Variants in GRM8 observed in about 807,000 individuals in gnomAD.
The protein encoded by GRM8 is glutamate metabotropic receptor 8.
In GRM8, 47 loss-of-function variants were observed where a neutral mutation model predicts 87.2. The ratio of observed to expected loss-of-function variants is 0.54; its 90% CI spans 0.43 to 0.69. The LOEUF (loss-of-function observed/expected upper bound fraction) is 0.69. Ranked by LOEUF, GRM8 falls within the 30% of genes least tolerant of loss-of-function variation. The pLI is 0.00. For missense variants in GRM8, 1,019 were observed against 1,139.2 expected (o/e 0.89, Z 1.52); for synonymous variants, 396 against 404.5 (o/e 0.98, Z 0.25).
At chr7:126,982,373 C>G (rs1386351447) in intron 3 of GRM8, among the ~76,000 whole-genome samples, 1 of 152,218 alleles carries the variant, frequency 6.6e-6, no homozygotes, top group African/African-American at 2.4e-5. Flanking sequence ...TCAATCCAAT[C>G]AAGTTGACAC....
chr7:126,906,696 T>G (rs1225596283), intron 3 of GRM8, among the ~76,000 whole-genome samples: 2 of 152,184 alleles, frequency 1.3e-5, no homozygotes, highest in Non-Finnish European at 2.9e-5. Flanking sequence ...GTACAGCAGA[T>G]GTATGAGTAA....
intron 6 of GRM8, among the ~76,000 whole-genome samples, chr7:126,806,761 C>T (rs1792792159): frequency 6.6e-6 from 1 of 152,262 alleles, no homozygotes; most frequent in Non-Finnish European, 1.5e-5. Flanking sequence ...GCTCGCCCCC[C>T]AGTCAAGCCC....
rs554290689 is a variant in GRM8 at position 126,764,576 on chromosome 7, C to T, written c.1357+5289G>A. ...TGTATATTTGGAAATTTTGCATTAA[C>T]TCTTTGAAATCAATAAGGTTTCTAA... On this transcript the variant is annotated intron_variant, in intron 7 of 10. Coordinates refer to ENST00000339582, the MANE Select transcript of GRM8 (RefSeq NM_000845.3). Among the ~76,000 whole-genome samples, 32 of 152,148 alleles carry T rather than the reference C, an allele frequency of 2.1e-4. No individual in the cohort carries two copies. In the South Asian group the frequency reaches 6.6e-3, roughly 32 times the overall value.
chr7:126,999,075 A>G (rs1393036223), intron 3 of GRM8, among the ~76,000 whole-genome samples: 1 of 152,014 alleles, frequency 6.6e-6, no homozygotes, highest in Non-Finnish European at 1.5e-5. Context: ...GACCAATGGA[A>G]CAGAATAGAT....
At chr7:127,033,725 G>A (rs1817598945) in intron 3 of GRM8, among the ~76,000 whole-genome samples, 1 of 151,928 alleles carries the variant, frequency 6.6e-6, no homozygotes, top group Non-Finnish European at 1.5e-5. Context: ...TAGATAGAAG[G>A]GACTTTCCTA....
intron 3 of GRM8, among the ~76,000 whole-genome samples, chr7:127,051,935 G>A (rs1423358078): frequency 1.3e-5 from 2 of 152,240 alleles, no homozygotes; most frequent in Admixed American, 6.5e-5. Flanking sequence ...AATCAGGGAT[G>A]TGTATTCATG....
At chr7:126,843,443 C>T (rs1796448016) in intron 6 of GRM8, among the ~76,000 whole-genome samples, 1 of 152,202 alleles carries the variant, frequency 6.6e-6, no homozygotes, top group African/African-American at 2.4e-5. Flanking sequence ...AATGCAAATA[C>T]ATTTCTAGTG....
chr7:127,191,504 A>C (rs1795026524), intron 2 of GRM8, among the ~76,000 whole-genome samples: 2 of 152,156 alleles, frequency 1.3e-5, no homozygotes, highest in Non-Finnish European at 2.9e-5. Context: ...GAAGACCAGG[A>C]CCTTTTTCCT....
At chr7:127,060,127 C>T (rs1820462317) in intron 3 of GRM8, among the ~76,000 whole-genome samples, 1 of 152,184 alleles carries the variant, frequency 6.6e-6, no homozygotes. Flanking sequence ...TCCTAAAAGA[C>T]TTCATCTTTC....
At chr7:126,563,086 G>A (rs1411340020) in intron 8 of GRM8, among the ~76,000 whole-genome samples, 1 of 152,140 alleles carries the variant, frequency 6.6e-6, no homozygotes, top group African/African-American at 2.4e-5. Context: ...TATAATGAAC[G>A]TAGTAATCGC....
intron 7 of GRM8, among the ~76,000 whole-genome samples, chr7:126,621,412 T>C (rs1800160954): frequency 6.6e-6 from 1 of 152,144 alleles, no homozygotes. Flanking sequence ...TTTTTGTTTG[T>C]TTGTTTGTCT....
intron 7 of GRM8, among the ~76,000 whole-genome samples, chr7:126,745,596 G>A (rs1815564753): frequency 6.6e-6 from 1 of 150,938 alleles, no homozygotes; most frequent in African/African-American, 2.4e-5. Context: ...TTTGCTTTTG[G>A]GTTTTTTTCC....
intron 9 of GRM8, among the ~76,000 whole-genome samples, chr7:126,460,867 C>G (rs1584687867): frequency 6.6e-6 from 1 of 151,472 alleles, no homozygotes; most frequent in South Asian, 2.1e-4. Flanking sequence ...GACATAAGTT[C>G]TCAGAACAAG....
In GRM8 at chr7:126,739,173, G is replaced by A. The variant is rs534367336; in HGVS notation, c.1357+30692C>T. Among the ~76,000 whole-genome samples the A allele has an allele frequency of 2.0e-5, 3 of 152,026 alleles. No individual in the cohort carries two copies. In the South Asian group the frequency reaches 6.2e-4, roughly 32 times the overall value. ...CTCATATCAACCACTACATTTAAAA[G>A]GACTAATTATTATTATCCAATTCTT... On this transcript the variant is annotated intron_variant, in intron 7 of 10. Transcript: ENST00000339582.
intron 3 of GRM8, among the ~76,000 whole-genome samples, chr7:126,926,335 T>G (rs1805116812): frequency 6.6e-6 from 1 of 152,146 alleles, no homozygotes; most frequent in Admixed American, 6.6e-5. Context: ...ATAATTATCT[T>G]ACACCCCTCA....
intron 3 of GRM8, among the ~76,000 whole-genome samples, chr7:127,102,745 A>G (rs1401684305): frequency 6.6e-6 from 1 of 152,216 alleles, no homozygotes; most frequent in Non-Finnish European, 1.5e-5. Flanking sequence ...GATGGGGCAG[A>G]GCCATCACAG....
intron 2 of GRM8, among the ~76,000 whole-genome samples, chr7:127,151,186 A>T (rs1481744613): frequency 6.6e-6 from 1 of 151,920 alleles, no homozygotes; most frequent in Admixed American, 6.6e-5. Flanking sequence ...AAGTCTCTCC[A>T]CCTGGCCTAG....
At chr7:126,595,656 G>A (rs955958908) in intron 8 of GRM8, among the ~76,000 whole-genome samples, 1 of 151,646 alleles carries the variant, frequency 6.6e-6, no homozygotes, top group Non-Finnish European at 1.5e-5. Context: ...TACTTAATAG[G>A]GTACCCATGT....
chr7:127,148,793 A>C lies in GRM8; in HGVS notation c.511-42081T>G, dbSNP rs1828689504. On this transcript the variant is annotated intron_variant, in intron 2 of 10. Transcript: ENST00000339582. ...ACTTAGGACAAATGACAATGCAAAC[A>C]CAGCATAGTAATTTTTGTCAAGGGC... Among the ~76,000 whole-genome samples, 4 of 152,238 alleles carry C rather than the reference A, an allele frequency of 2.6e-5. No homozygotes were observed. The South Asian group carries it at 8.3e-4, about 32-fold the overall frequency.
Sources: gnomAD v4.1 joint callset for allele counts (sites outside exome capture counted in the v4.1 genomes callset) on GRCh38, gnomAD v4.1.1 for gene constraint, MANE v1.5 for transcripts, NCBI Gene and HGNC (gene_info 2026-07-23, HGNC 2026-07-21) for gene names.